Variants in TRIM36 observed in about 807,000 individuals in gnomAD.
TRIM36 encodes E3 ubiquitin-protein ligase TRIM36.
Under a neutral mutation model 72.4 loss-of-function variants are expected in TRIM36, and 42 were observed. That is an observed-to-expected ratio of 0.58 (90% CI 0.45 to 0.75). The LOEUF (loss-of-function observed/expected upper bound fraction) is 0.75. Ranked by LOEUF, TRIM36 falls within the 30% of genes least tolerant of loss-of-function variation. The pLI, the probability that TRIM36 is intolerant of heterozygous loss-of-function variation, is 0.00. For synonymous variants in TRIM36, 315 were observed against 282.8 expected (o/e 1.11, Z -1.14); for missense variants, 913 against 857.1 (o/e 1.07, Z -0.81).
Position 115,169,592 on chromosome 5 carries a change from TC to T in TRIM36, c.27+15del. Reference sequence around the variant, plus strand: ...ACCGCCCTCGAGGTGGGGGCGGCGGTCCCCTCCGCACTCACCGGCGAATCTG... The same window carrying T: ...ACCGCCCTCGAGGTGGGGGCGGCGGTCCCTCCGCACTCACCGGCGAATCTG... On this transcript the variant is annotated intron_variant, in intron 1 of 9. Transcript: ENST00000513154. The T allele has an allele frequency of 6.6e-7, 1 of 1,506,986 alleles. No homozygotes were observed. The allele number at this position is 1,506,986 out of a possible 1,614,324, so 93.4% of individuals were successfully genotyped here.
At chr5:115,154,789 T>A (rs1754086673) in intron 2 of TRIM36, among the ~76,000 whole-genome samples, 1 of 152,154 alleles carries the variant, frequency 6.6e-6, no homozygotes, top group African/African-American at 2.4e-5. Flanking sequence ...ATATTGACAC[T>A]ATTCCATGAG....
rs375482192 is a variant in TRIM36, at chr5:115,147,015, G to T, written c.588+54C>A. Reference sequence around the variant, plus strand: ...ATTTCGTAACATTAAGTACATAAAAGTTTCATAACATTAAGTTAAAATAAC... The same window carrying T: ...ATTTCGTAACATTAAGTACATAAAATTTTCATAACATTAAGTTAAAATAAC... On this transcript the variant is annotated intron_variant, in intron 3 of 9. Transcript: ENST00000513154. The T allele has an allele frequency of 4.1e-6, 6 of 1,446,620 alleles. No individual in the cohort carries two copies. In the African/African-American group the frequency reaches 4.3e-5, roughly 10 times the overall value. 89.6% of individuals were successfully genotyped at this position (1,446,620 alleles called of 1,614,324 possible).
chr5:115,155,992 C>G (rs1197312768), intron 2 of TRIM36, among the ~76,000 whole-genome samples: 2 of 152,110 alleles, frequency 1.3e-5, no homozygotes, highest in Non-Finnish European at 2.9e-5. Context: ...AAATCAGTAG[C>G]TCTTCTGTAC....
Position 115,130,620 on chromosome 5 carries a change from G to A in TRIM36, c.1768C>T (p.Arg590Cys), listed in dbSNP as rs749733979. The A allele has an allele frequency of 5.5e-5, 89 of 1,613,956 alleles. No homozygotes were observed. The highest frequency in any genetic ancestry group is 2.9e-4 in the South Asian group (26 of 91,080). The change falls in exon 9 of 10, where the codon CGT becomes TGT. Residue 590 changes from arginine (R) to cysteine (C), a missense_variant. Transcript: ENST00000513154. ...GGACTAACTGCATCCCGGGGAGAAC[G>A]GAGCCATTCTTGTAGTTTATCGCTA... ...ASSDKLQEWLRSPRDAVSPRY... is the reference protein window; with the variant it reads ...ASSDKLQEWLCSPRDAVSPRY...
chr5:115,128,064 T>G (rs1752445968), intron 9 of TRIM36, among the ~76,000 whole-genome samples: 1 of 138,728 alleles, frequency 7.2e-6, no homozygotes, highest in Non-Finnish European at 1.6e-5. Flanking sequence ...AAAAAAAACT[T>G]GTAGAACAAG....
At chr5:115,163,295 A>AT (rs1754582593) in intron 2 of TRIM36, among the ~76,000 whole-genome samples, 1 of 152,192 alleles carries the variant, frequency 6.6e-6, no homozygotes, top group South Asian at 2.1e-4. Flanking sequence ...CACAAAGTTC[A>AT]TGTTCAATAT....
chr5:115,171,345 G>C, upstream of TRIM36: 1 of 1,372,036 alleles, frequency 7.3e-7, no homozygotes, highest in Non-Finnish European at 9.9e-7. Context: ...TAATGCCTGG[G>C]CTGTTCTGAT....
At chr5:115,134,849 A>C (rs1424164215) in intron 7 of TRIM36, among the ~76,000 whole-genome samples, 1 of 152,168 alleles carries the variant, frequency 6.6e-6, no homozygotes, top group African/African-American at 2.4e-5. Context: ...CTCTCAATGA[A>C]TATTTTATCA....
In TRIM36 at chr5:115,147,332, C is replaced by G. The variant is rs772962634; in HGVS notation, c.325G>C (p.Asp109His). Residue 109 changes from aspartate to histidine, a missense_variant, in exon 3 of 10, where the codon GAT becomes CAT. Physicochemically the swap from Asp to His is moderately conservative, Grantham distance 81. Transcript: ENST00000513154. ...ATTCCTCGTTCTCCAAGATCCACAT[C>G]ATGCTCACAGCCAGGGCAAGGGAAA... ...TVFPCPGCEHDVDLGERGING... is the reference protein window; with the variant it reads ...TVFPCPGCEHHVDLGERGING... 15 of 1,614,150 alleles carry G rather than the reference C, an allele frequency of 9.3e-6. No individual in the cohort carries two copies. The South Asian group carries it at 1.4e-4, about 15-fold the overall frequency.
intron 1 of TRIM36, 65 bp downstream of exon 1, chr5:115,169,543 A>G: frequency 6.8e-7 from 1 of 1,468,860 alleles, no homozygotes; most frequent in Non-Finnish European, 9.1e-7. Context: ...CGGCGGAGGA[A>G]AGAGAAAGAG....
At chr5:115,127,228 C>T (rs1486583881) in intron 9 of TRIM36, among the ~76,000 whole-genome samples, 3 of 152,180 alleles carry the variant, frequency 2.0e-5, no homozygotes, top group African/African-American at 4.8e-5. Context: ...GAACAACAGA[C>T]CTCATATACC....
intron 7 of TRIM36, among the ~76,000 whole-genome samples, 185 bp from the exon 8 acceptor site, chr5:115,134,332 GGTATAT>G (rs1344675693): frequency 2.0e-5 from 3 of 151,624 alleles, no homozygotes; most frequent in Middle Eastern, 3.4e-3. Flanking sequence ...ATATTTAAAA[GGTATAT>G]CTATATTTGT....
chr5:115,171,172 C>A, upstream of TRIM36: 1 of 1,614,190 alleles, frequency 6.2e-7, no homozygotes, highest in Non-Finnish European at 8.5e-7. Flanking sequence ...CAAGTTCCGT[C>A]GTCTTCCCAC....
intron 3 of TRIM36, among the ~76,000 whole-genome samples, chr5:115,146,282 A>C (rs992778616): frequency 3.9e-5 from 6 of 152,196 alleles, no homozygotes; most frequent in African/African-American, 1.4e-4. Context: ...ACAGTTTCAA[A>C]AACACTTTTG....
chr5:115,166,481 G>A (rs548055889), intron 1 of TRIM36, among the ~76,000 whole-genome samples: 25 of 152,248 alleles, frequency 1.6e-4, no homozygotes, highest in African/African-American at 5.3e-4. Context: ...GGGAGGAACT[G>A]CCTGCAGAAA....
chr5:115,178,024 A>C, intron 1 of TRIM36: 2 of 790,120 alleles, frequency 2.5e-6, no homozygotes, highest in Non-Finnish European at 4.0e-6. Flanking sequence ...TGACTTGATT[A>C]TAAGGAGTTT....
chr5:115,131,265 C>T (rs1752661875), intron 8 of TRIM36, among the ~76,000 whole-genome samples: 1 of 151,934 alleles, frequency 6.6e-6, no homozygotes, highest in African/African-American at 2.4e-5. Flanking sequence ...ATAAATAGTT[C>T]TACATTTTCT....
chr5:115,148,320 G>A (rs1253903844), intron 2 of TRIM36: 1 of 983,748 alleles, frequency 1.0e-6, no homozygotes, highest in East Asian at 1.1e-4. Context: ...AGAAACCAAT[G>A]CATGACAGTC....
rs1753646563 is a variant in TRIM36, at chr5:115,147,328, ACAT to A, written c.326_328del (p.Asp109del). On this transcript the variant is annotated inframe_deletion, in exon 3 of 10. Coordinates refer to ENST00000513154, the MANE Select transcript of TRIM36 (RefSeq NM_001300759.2). ...ATTGATTCCTCGTTCTCCAAGATCC[ACAT>A]CATGCTCACAGCCAGGGCAAGGGAA... 1 of 1,614,090 alleles carries A rather than the reference ACAT, an allele frequency of 6.2e-7. No homozygotes were observed. The highest frequency in any genetic ancestry group is 8.5e-7 in the Non-Finnish European group (1 of 1,180,032).
Sources: gnomAD v4.1 joint callset for allele counts (sites outside exome capture counted in the v4.1 genomes callset) on GRCh38, gnomAD v4.1.1 for gene constraint, MANE v1.5 for transcripts, NCBI Gene and HGNC (gene_info 2026-07-23, HGNC 2026-07-21) for gene names.